The following DGKZ variants were observed in gnomAD, a reference collection of about 807,000 sequenced individuals.
DGKZ encodes the protein diacylglycerol kinase zeta.
In DGKZ, 45 loss-of-function variants were observed where a neutral mutation model predicts 142.5. The ratio of observed to expected loss-of-function variants is 0.32; its 90% CI spans 0.25 to 0.40. The LOEUF is 0.40. DGKZ is among the 10% of genes least tolerant of loss of function. The pLI is 1.00. For missense variants in DGKZ, 755 were observed against 1,306.5 expected, an observed-to-expected ratio of 0.58 and a Z score of 6.51; for synonymous variants, 442 against 527.0, an observed-to-expected ratio of 0.84 and a Z score of 2.21.
intron 25 of DGKZ, chr11:46,377,889 T>G: frequency 4.4e-6 from 2 of 455,704 alleles, no homozygotes; most frequent in Middle Eastern, 6.2e-4. Flanking sequence ...CTTGGAGAGA[T>G]CACTCCCAGG....
At chr11:46,359,037 G>A (rs1465078902) in intron 1 of DGKZ, among the ~76,000 whole-genome samples, 1 of 152,024 alleles carries the variant, frequency 6.6e-6, no homozygotes, top group African/African-American at 2.4e-5. Flanking sequence ...CAGCAACTCG[G>A]GAGGCTGAGG....
intron 1 of DGKZ, among the ~76,000 whole-genome samples, chr11:46,359,035 C>T (rs1233732575): frequency 1.3e-5 from 2 of 151,060 alleles, no homozygotes; most frequent in East Asian, 2.0e-4. Flanking sequence ...CCCAGCAACT[C>T]GGGAGGCTGA....
In DGKZ at chr11:46,367,202, G is replaced by C; in HGVS notation, c.162-89G>C. Reference sequence around the variant, plus strand: ...CTCCTCCGCCCTCCCTGTTGCCGAGGTCACGGAAAGGGCAGAGGCCCCAGG... The same window carrying C: ...CTCCTCCGCCCTCCCTGTTGCCGAGCTCACGGAAAGGGCAGAGGCCCCAGG... On this transcript the variant is annotated intron_variant, in intron 1 of 30. Transcript: ENST00000527911. The surrounding 1 kb of genome is among the most constrained non-coding windows in gnomAD (Gnocchi z 4.1). The C allele has an allele frequency of 7.4e-7, 1 of 1,359,896 alleles. No individual in the cohort carries two copies. Among genetic ancestry groups the C allele is most frequent in the Non-Finnish European group, 1.0e-6 (1 of 974,376 alleles). 84.2% of individuals were successfully genotyped at this position (1,359,896 alleles called of 1,614,324 possible).
chr11:46,364,947 A>C, intron 1 of DGKZ: 6 of 985,462 alleles, frequency 6.1e-6, no homozygotes, highest in Non-Finnish European at 7.2e-6. Flanking sequence ...ACCAGGGCCC[A>C]GGAGATCACC....
chr11:46,365,140 G>A, intron 1 of DGKZ: 1 of 985,428 alleles, frequency 1.0e-6, no homozygotes, highest in Non-Finnish European at 1.2e-6. Context: ...TTCAGGATGG[G>A]TCCATGGAGG....
upstream of DGKZ, among the ~76,000 whole-genome samples, chr11:46,344,729 C>T (rs906379215): frequency 1.3e-5 from 2 of 152,212 alleles, no homozygotes; most frequent in Admixed American, 6.5e-5. Flanking sequence ...GTTGGGATTA[C>T]AGGTGTGAGC....
intron 1 of DGKZ, among the ~76,000 whole-genome samples, chr11:46,357,713 G>A (rs1942198170): frequency 6.6e-6 from 1 of 152,268 alleles, no homozygotes; most frequent in Admixed American, 6.5e-5. Context: ...GAGCAGGCAT[G>A]TGGGCTGAAA....
intron 14 of DGKZ, among the ~76,000 whole-genome samples, 184 bp downstream of exon 14, chr11:46,373,285 G>GTTTTTTTTTTTTTTTTTTTTTT (rs961769830): frequency 4.3e-5 from 5 of 115,372 alleles, no homozygotes; most frequent in African/African-American, 1.0e-4. Flanking sequence ...TTTTTTTTTT[G>GTTTTTTTTTTTTTTTTTTTTTT]TTTTTTTTTT....
At chr11:46,366,735 G>T in intron 1 of DGKZ, 1 of 1,552,334 alleles carries the variant, frequency 6.4e-7, no homozygotes, top group East Asian at 2.4e-5. Context: ...CGCTACCTGC[G>T]CCGAGCCTCC....
intron 27 of DGKZ, 180 bp downstream of exon 27, chr11:46,378,680 A>C (rs1257640531): frequency 2.1e-6 from 2 of 931,068 alleles, no homozygotes; most frequent in Non-Finnish European, 3.4e-6. Flanking sequence ...TCTAGGCCAC[A>C]ATAGATGGCT....
chr11:46,373,135 G>T, intron 14 of DGKZ, 34 bp downstream of exon 14: 1 of 1,517,496 alleles, frequency 6.6e-7, no homozygotes, highest in Non-Finnish European at 8.8e-7. Context: ...GGGCAGGGCA[G>T]GTGACTGGGG....
intron 1 of DGKZ, among the ~76,000 whole-genome samples, chr11:46,363,731 A>G (rs1418394600): frequency 6.6e-6 from 1 of 152,144 alleles, no homozygotes; most frequent in Admixed American, 6.5e-5. Context: ...CCGGGTGACT[A>G]ATCTCCTCCA....
intron 21 of DGKZ, 41 bp from the exon 22 acceptor site, chr11:46,376,025 G>T (rs2136505336): frequency 6.2e-7 from 1 of 1,612,060 alleles, no homozygotes; most frequent in Middle Eastern, 1.8e-4. Context: ...GGGCAGGGCT[G>T]TGGGGTGCAG....
exon 30 of DGKZ, chr11:46,379,537 C>T: frequency 6.2e-7 from 1 of 1,611,226 alleles, no homozygotes; most frequent in Non-Finnish European, 8.5e-7. Flanking sequence ...ATCGTGGAGG[C>T]CGGGGCCTCG....
chr11:46,375,403 C>A, intron 19 of DGKZ, 29 bp from the exon 20 acceptor site: 1 of 1,548,390 alleles, frequency 6.5e-7, no homozygotes, highest in South Asian at 1.2e-5. Flanking sequence ...GCCCTGGTGC[C>A]ATCTGACCCA....
chr11:46,345,695 C>G, upstream of DGKZ: 1 of 1,124,662 alleles, frequency 8.9e-7, no homozygotes, highest in Non-Finnish European at 1.2e-6. This position sits in a 1 kb window ranked among gnomAD's most constrained non-coding sequence, Gnocchi z 4.1. Flanking sequence ...TCATCCAGCA[C>G]TCTGCAGAGG....
exon 1 of DGKZ, chr11:46,333,171 C>A: frequency 9.7e-7 from 1 of 1,035,690 alleles, no homozygotes; most frequent in Non-Finnish European, 1.2e-6. Context: ...ACCCGGCGCT[C>A]CCCTCCCTCC....
At chr11:46,377,924 C>G in intron 25 of DGKZ, 1 of 540,024 alleles carries the variant, frequency 1.9e-6, no homozygotes. Context: ...GGTGCCACAT[C>G]ACCTGTTCTG....
chr11:46,371,410 C>G (rs781571541), intron 7 of DGKZ, 26 bp downstream of exon 7: 6 of 1,612,100 alleles, frequency 3.7e-6, no homozygotes, highest in Non-Finnish European at 5.1e-6. Flanking sequence ...GCCCCCAGGG[C>G]CAGGCCCTGC....
Sources: gnomAD v4.1 joint callset for allele counts (sites outside exome capture counted in the v4.1 genomes callset) on GRCh38, gnomAD v4.1.1 for gene constraint, Gnocchi (gnomAD v3.1) non-coding constraint, MANE v1.5 for transcripts, NCBI Gene and HGNC (gene_info 2026-07-23, HGNC 2026-07-21) for gene names.